The following CCDC171 variants were observed in gnomAD, a reference collection of about 807,000 sequenced individuals.
The protein encoded by CCDC171 is coiled-coil domain containing 171, also known as coiled-coil domain-containing protein 171.
Under a neutral mutation model 168.2 loss-of-function variants are expected in CCDC171, and 177 were observed. The observed-to-expected ratio is 1.05, with a 90% CI of 0.93 to 1.19. The LOEUF (loss-of-function observed/expected upper bound fraction) is 1.19. CCDC171 is among the 50% of genes most tolerant of loss of function. The pLI, the probability that CCDC171 is intolerant of heterozygous loss-of-function variation, is 0.00. For synonymous variants in CCDC171, 687 were observed against 540.8 expected (o/e 1.27, Z -3.75); for missense variants, 1,991 against 1,539.0 (o/e 1.29, Z -4.91).
chr9:15,734,421 C>A (rs2054350670), intron 16 of CCDC171, among the ~76,000 whole-genome samples: 1 of 152,074 alleles, frequency 6.6e-6, no homozygotes, highest in Non-Finnish European at 1.5e-5. Flanking sequence ...GCCTGTAATC[C>A]CAGCTACTTG....
chr9:16,011,747 C>T (rs1405816258), intron 3 of CCDC171, among the ~76,000 whole-genome samples: 1 of 152,150 alleles, frequency 6.6e-6, no homozygotes, highest in Non-Finnish European at 1.5e-5. Flanking sequence ...AAGATATAGA[C>T]GTTGCTTTCC....
chr9:15,618,085 A>G (rs1457024919), intron 6 of CCDC171, among the ~76,000 whole-genome samples: 1 of 152,194 alleles, frequency 6.6e-6, no homozygotes, highest in Admixed American at 6.5e-5. Context: ...CAGAGCTGAC[A>G]GGTAGGAAAG....
At chr9:16,022,766 A>G (rs1833200032) in exon 6 of CCDC171, 1 of 152,232 alleles carries the variant, frequency 6.6e-6, no homozygotes, top group East Asian at 1.9e-4. Flanking sequence ...AAAGAGGAAA[A>G]TGAGTGTTCT....
At chr9:15,944,833 CT>C (rs1554691550) in intron 25 of CCDC171, among the ~76,000 whole-genome samples, 1 of 48,380 alleles carries the variant, frequency 2.1e-5, no homozygotes, top group Non-Finnish European at 4.5e-5. Context: ...CTTTTTCTTT[CT>C]TTTTTCTTTC....
chr9:15,957,720 T>G (rs1460360100), intron 25 of CCDC171, among the ~76,000 whole-genome samples: 2 of 152,136 alleles, frequency 1.3e-5, no homozygotes, highest in South Asian at 2.1e-4. Context: ...ATTAAAGCAG[T>G]AGAATAAGCA....
At chr9:15,976,841 T>G (rs1831634001), downstream of CCDC171, among the ~76,000 whole-genome samples, 1 of 152,130 alleles carries the variant, frequency 6.6e-6, no homozygotes, top group African/African-American at 2.4e-5. Flanking sequence ...TTTACTTTGG[T>G]GAAAGCATAT....
chr9:15,588,359 C>A, intron 4 of CCDC171: 1 of 243,410 alleles, frequency 4.1e-6, no homozygotes, highest in Non-Finnish European at 8.6e-6. Context: ...ACCACCATGC[C>A]CAAGAGAAAG....
chr9:15,674,555 T>C (rs2049374474), intron 9 of CCDC171, among the ~76,000 whole-genome samples: 2 of 152,236 alleles, frequency 1.3e-5, no homozygotes, highest in African/African-American at 2.4e-5. Context: ...TTCTGGTATG[T>C]TGTGTCTTTG....
the CCDC171 span, among the ~76,000 whole-genome samples, chr9:16,075,560 A>T: frequency 6.6e-6 from 1 of 152,146 alleles, no homozygotes; most frequent in Non-Finnish European, 1.5e-5. Flanking sequence ...CAGCTACTGT[A>T]CCTGGTTGTC....
chr9:15,700,387 C>A (rs570646712), intron 11 of CCDC171, among the ~76,000 whole-genome samples: 3 of 152,206 alleles, frequency 2.0e-5, no homozygotes, highest in Admixed American at 1.3e-4. Context: ...GGCCTGCAAG[C>A]GCTGCGCGCA....
chr9:15,880,997 A>G (rs1818567141), intron 24 of CCDC171, among the ~76,000 whole-genome samples: 1 of 152,178 alleles, frequency 6.6e-6, no homozygotes, highest in South Asian at 2.1e-4. Context: ...TCATCTAGCT[A>G]CTTGACAGGT....
At chr9:15,903,301 C>T (rs975975886) in intron 24 of CCDC171, among the ~76,000 whole-genome samples, 1 of 152,074 alleles carries the variant, frequency 6.6e-6, no homozygotes, top group Admixed American at 6.5e-5. Context: ...CAGACTGACA[C>T]CTCACATGGC....
At chr9:15,588,932 G>A (rs762373641) in intron 4 of CCDC171, among the ~76,000 whole-genome samples, 1 of 151,784 alleles carries the variant, frequency 6.6e-6, no homozygotes, top group African/African-American at 2.4e-5. Context: ...GGATGGTCTC[G>A]ATGTCCTGAC....
Position 15,793,508 on chromosome 9 carries a change from A to G in CCDC171, c.3267+8814A>G, listed in dbSNP as rs1341565353. ...ACAGAACTCTCCACCCGAAATCAAC[A>G]GAATATACATTCTTTTCAGCACCAC... On this transcript the variant is annotated intron_variant, in intron 21 of 25. Coordinates refer to ENST00000380701, the MANE Select transcript of CCDC171 (RefSeq NM_173550.4). Among the ~76,000 whole-genome samples the G allele has an allele frequency of 2.0e-5, 3 of 151,046 alleles. No homozygotes were observed. The East Asian group carries it at 5.8e-4, about 29-fold the overall frequency.
chr9:15,642,206 T>TA (rs2046667399), intron 7 of CCDC171, among the ~76,000 whole-genome samples: 1 of 151,454 alleles, frequency 6.6e-6, no homozygotes, highest in Non-Finnish European at 1.5e-5. Flanking sequence ...TAGTACATAA[T>TA]ACAGTGTAAT....
intron 6 of CCDC171, among the ~76,000 whole-genome samples, chr9:15,607,320 A>G (rs2043302782): frequency 6.6e-6 from 1 of 152,218 alleles, no homozygotes; most frequent in Non-Finnish European, 1.5e-5. Flanking sequence ...CTTCAGCCCC[A>G]AAAGAATAAC....
chr9:15,620,269 T>G (rs1444069189), intron 6 of CCDC171, among the ~76,000 whole-genome samples: 4 of 152,200 alleles, frequency 2.6e-5, no homozygotes, highest in Non-Finnish European at 5.9e-5. Flanking sequence ...CAAATTAAAT[T>G]GAAAACTTTC....
At chr9:15,607,162 A>G (rs928737991) in intron 6 of CCDC171, among the ~76,000 whole-genome samples, 5 of 152,328 alleles carry the variant, frequency 3.3e-5, no homozygotes, top group East Asian at 1.9e-4. Context: ...TATATACTCA[A>G]TGCCCAATAT....
intron 1 of CCDC171, among the ~76,000 whole-genome samples, chr9:15,556,171 T>C: frequency 6.6e-6 from 1 of 152,192 alleles, no homozygotes; most frequent in South Asian, 2.1e-4. Flanking sequence ...TATAGCAGCA[T>C]GATTTACAGT....
Sources: allele counts gnomAD v4.1 joint callset (sites outside exome capture counted in the v4.1 genomes callset), GRCh38; gene constraint gnomAD v4.1.1; transcripts MANE v1.5; gene names NCBI Gene and HGNC (gene_info 2026-07-23, HGNC 2026-07-21).